The following CEP128 variants were observed in gnomAD, a reference collection of about 807,000 sequenced individuals.
CEP128 encodes the protein centrosomal protein 128kDa.
CEP128 carries 132 observed loss-of-function variants against 156.7 expected under a neutral mutation model. That is an observed-to-expected ratio of 0.84 (90% CI 0.73 to 0.97). The LOEUF is 0.97. Among genes scored for constraint, CEP128 ranks in the 50% least tolerant of loss-of-function variants. The pLI is 0.00. For synonymous variants in CEP128, 469 were observed against 448.9 expected (o/e 1.04, Z -0.57); for missense variants, 1,252 against 1,281.9 (o/e 0.98, Z 0.36).
At chr14:80,650,690 C>A (rs971289246) in intron 19 of CEP128, among the ~76,000 whole-genome samples, 1 of 152,088 alleles carries the variant, frequency 6.6e-6, no homozygotes, top group African/African-American at 2.4e-5. Context: ...TGGATTTTGT[C>A]ATTGGTTCTG....
intron 14 of CEP128, among the ~76,000 whole-genome samples, chr14:80,788,356 T>C (rs374987855): frequency 1.4e-5 from 2 of 141,864 alleles, no homozygotes; most frequent in East Asian, 2.2e-4. Context: ...TCAGTTTGGA[T>C]AAATAATTCA....
chr14:80,585,201 CTGTTT>C (rs1192920290), intron 19 of CEP128, among the ~76,000 whole-genome samples: 1 of 152,194 alleles, frequency 6.6e-6, no homozygotes, highest in Non-Finnish European at 1.5e-5. Flanking sequence ...TCCAGCTGTC[CTGTTT>C]TGTTTTGTTT....
intron 19 of CEP128, among the ~76,000 whole-genome samples, chr14:80,590,149 A>G (rs1007059019): frequency 6.6e-6 from 1 of 152,184 alleles, no homozygotes; most frequent in African/African-American, 2.4e-5. Flanking sequence ...AAACAAGGAC[A>G]TGAATCCTCA....
Position 80,743,088 on chromosome 14 carries a change from A to T in CEP128, c.2793T>A (p.His931Gln). ...ACTAACACACACCTCTCTTCTCACG[A>T]TGTATTTCATCCAGAAGCTGCTCCT... ...ERQEQLLDEI[H>Q]REKRDLLEET... Residue 931 changes from histidine (H) to glutamine (Q), a missense_variant, in exon 19 of 25, where the codon CAT (histidine) becomes CAA (glutamine). Physicochemically the swap from His to Gln is conservative, Grantham distance 24 (BLOSUM62 0). Transcript: ENST00000555265. 7 of 1,613,370 alleles carry T rather than the reference A, an allele frequency of 4.3e-6. No homozygotes were observed. The highest frequency in any genetic ancestry group is 5.9e-6 in the Non-Finnish European group (7 of 1,179,560).
Position 80,815,951 on chromosome 14 carries a change from AG to A in CEP128, c.1209+15191del, listed in dbSNP as rs557336659. Among the ~76,000 whole-genome samples the A allele has an allele frequency of 1.4e-3, 214 of 152,254 alleles. 1 individual carries two copies. Among genetic ancestry groups the A allele is most frequent in the African/African-American group, 4.9e-3 (202 of 41,546 alleles). ...GTGGAATAATAGATACTGGAGACCC[AG>A]AGGGTGGGAGGGAAGTTTGAGATGA... On this transcript the variant is annotated intron_variant, in intron 13 of 24. Coordinates refer to ENST00000555265, the MANE Select transcript of CEP128 (RefSeq NM_152446.5).
intron 19 of CEP128, among the ~76,000 whole-genome samples, chr14:80,691,162 T>C (rs1896707601): frequency 6.6e-6 from 1 of 152,216 alleles, no homozygotes; most frequent in African/African-American, 2.4e-5. Context: ...CCAATAAATA[T>C]AGTTATAAAT....
At position 80,905,856 on chromosome 14, in the gene CEP128, T is replaced by G. The variant is rs1045605045; in HGVS notation, c.361+99A>C. 4 of 1,151,294 alleles carry G rather than the reference T, an allele frequency of 3.5e-6. No homozygotes were observed. The Admixed American group carries it at 6.7e-5, about 19-fold the overall frequency. 71.3% of individuals were successfully genotyped at this position (1,151,294 alleles called of 1,614,324 possible). On this transcript the variant is annotated intron_variant, in intron 5 of 24. Coordinates refer to ENST00000555265, the MANE Select transcript of CEP128 (RefSeq NM_152446.5). Reference sequence around the variant, plus strand: ...TACATGTACTATCATCCAATCTGCATGAAGTTATGTGTGGGTCATATTTCT... The same window carrying G: ...TACATGTACTATCATCCAATCTGCAGGAAGTTATGTGTGGGTCATATTTCT...
chr14:80,623,550 C>G (rs1247578841), intron 19 of CEP128, among the ~76,000 whole-genome samples: 1 of 150,998 alleles, frequency 6.6e-6, no homozygotes, highest in Non-Finnish European at 1.5e-5. Context: ...CAGCTCTGGT[C>G]AGAAATATAA....
rs559507620 is a variant in CEP128 at position 80,526,535 on chromosome 14, T to C, written c.3072+334A>G. On this transcript the variant is annotated intron_variant, in intron 23 of 24. Coordinates refer to ENST00000555265, the MANE Select transcript of CEP128 (RefSeq NM_152446.5). ...TCAGTGTGGAGAGCAGCTAGACTTATACATAGAAGAAGGTGATCATCACAC... is the reference window on the plus strand; with the variant it reads ...TCAGTGTGGAGAGCAGCTAGACTTACACATAGAAGAAGGTGATCATCACAC... The C allele has an allele frequency of 5.4e-5, 10 of 185,236 alleles. No homozygotes were observed. In the East Asian group the frequency reaches 1.1e-3, roughly 20 times the overall value. The allele number at this position is 185,236 out of a possible 1,614,324, so 11.5% of individuals were successfully genotyped here. A position where few individuals can be genotyped will look rare whatever the true frequency, so the allele number is the denominator to read the frequency against.
chr14:80,619,215 A>G (rs917543008), intron 19 of CEP128, among the ~76,000 whole-genome samples: 1 of 152,206 alleles, frequency 6.6e-6, no homozygotes, highest in African/African-American at 2.4e-5. Flanking sequence ...CCCCATTTAG[A>G]TAACTCAAAA....
At chr14:80,626,933 C>T (rs764625825) in intron 19 of CEP128, among the ~76,000 whole-genome samples, 3 of 152,156 alleles carry the variant, frequency 2.0e-5, no homozygotes, top group Non-Finnish European at 4.4e-5. Context: ...CTTCGTCCCC[C>T]CATCACCACC....
At chr14:80,631,367 G>C (rs1205078391) in intron 19 of CEP128, among the ~76,000 whole-genome samples, 2 of 152,048 alleles carry the variant, frequency 1.3e-5, no homozygotes, top group Non-Finnish European at 2.9e-5. Flanking sequence ...GGAAGGAAGA[G>C]AATGCAGTTT....
At chr14:80,955,497 T>C in intron 2 of CEP128, 1 of 714,228 alleles carries the variant, frequency 1.4e-6, no homozygotes, top group Non-Finnish European at 2.4e-6. Context: ...AGCGGAGCAC[T>C]TAAGTGCCTC....
chr14:80,536,356 T>C (rs1889484356), intron 21 of CEP128, among the ~76,000 whole-genome samples: 1 of 152,184 alleles, frequency 6.6e-6, no homozygotes, highest in Non-Finnish European at 1.5e-5. Context: ...ATTGAAATCA[T>C]ATGTGTTTTG....
At chr14:80,736,876 T>A (rs565303976) in intron 19 of CEP128, among the ~76,000 whole-genome samples, 2 of 152,332 alleles carry the variant, frequency 1.3e-5, no homozygotes, top group South Asian at 2.1e-4. Context: ...CCTAGGCATA[T>A]CGTTAATTTA....
rs1031596055 is a variant in CEP128 at position 80,956,816 on chromosome 14, T to C, written c.-172+1362A>G. Among the ~76,000 whole-genome samples the C allele has an allele frequency of 2.0e-5, 3 of 152,226 alleles. No homozygotes were observed. The South Asian group carries it at 6.2e-4, about 31-fold the overall frequency. Reference sequence around the variant, plus strand: ...AGATGAATATTTGAGCACAGAGATATATTTCTGTGCTCAGAGATATCCTAG... The same window carrying C: ...AGATGAATATTTGAGCACAGAGATACATTTCTGTGCTCAGAGATATCCTAG... On this transcript the variant is annotated intron_variant, in intron 2 of 7. Coordinates refer to the CEP128 transcript ENST00000555529.
intron 18 of CEP128, among the ~76,000 whole-genome samples, chr14:80,747,651 A>G (rs528240605): frequency 1.3e-4 from 20 of 152,320 alleles, no homozygotes; most frequent in African/African-American, 4.8e-4. Flanking sequence ...TACTAAAAAC[A>G]CAAAAATTGG....
intron 2 of CEP128, among the ~76,000 whole-genome samples, chr14:80,923,610 T>G (rs548513611): frequency 5.9e-5 from 9 of 152,196 alleles, no homozygotes; most frequent in Admixed American, 3.9e-4. Context: ...TTCTGTGGCC[T>G]CCAAGTGCCT....
chr14:80,793,091 T>C lies in CEP128; in HGVS notation c.1229A>G (p.Glu410Gly). ...SQVENLTRELENGEKQQLQML... is the reference protein window; with the variant it reads ...SQVENLTRELGNGEKQQLQML... ...CTGCAGTTGCTGTTTTTCCCCATTCTCCAGTTCACGTGTTAAATTCTACGA... is the reference window on the plus strand; with the variant it reads ...CTGCAGTTGCTGTTTTTCCCCATTCCCCAGTTCACGTGTTAAATTCTACGA... Residue 410 changes from glutamate to glycine, a missense_variant, in exon 14 of 25, where the codon GAG (glutamate) becomes GGG (glycine). Glu to Gly is a moderately conservative substitution (Grantham distance 98). Transcript: ENST00000555265. The C allele has an allele frequency of 6.2e-7, 1 of 1,611,608 alleles. No individual in the cohort carries two copies.
Sources: allele counts gnomAD v4.1 joint callset (sites outside exome capture counted in the v4.1 genomes callset), GRCh38; gene constraint gnomAD v4.1.1; transcripts MANE v1.5; gene names NCBI Gene and HGNC (gene_info 2026-07-23, HGNC 2026-07-21).